GPSM2: variants seen among roughly 807,000 people sequenced by gnomAD.
GPSM2 encodes G protein signaling modulator 2, also known as G protein-signaling modulator 2.
In GPSM2, 58 loss-of-function variants were observed where a neutral mutation model predicts 78.4. That is an observed-to-expected ratio of 0.74 (90% CI 0.60 to 0.92). GPSM2 has a LOEUF of 0.92. GPSM2 is among the 40% of genes least tolerant of loss of function. GPSM2 has a pLI of 0.00. For missense variants in GPSM2, 700 were observed against 815.5 expected (o/e 0.86, Z 1.73); for synonymous variants, 224 against 280.2 (o/e 0.80, Z 2.00).
In GPSM2 at chr1:108,922,433, C is replaced by T. The variant is rs1166526725; in HGVS notation, c.1457C>T (p.Thr486Ile). 1 of 1,609,544 alleles carries T rather than the reference C, an allele frequency of 6.2e-7. No homozygotes were observed. Among genetic ancestry groups the T allele is most frequent in the South Asian group, 1.1e-5 (1 of 90,982 alleles). The change falls in exon 13 of 15, where the codon ACT becomes ATT. Residue 486 changes from threonine to isoleucine, a missense_variant. Physicochemically the swap from Thr to Ile is moderately conservative, Grantham distance 89. Transcript: ENST00000264126. ...ATATTTTAGAAAATCAGTGCAGATA[C>T]TATTGGAGATGAAGGGTTCTTTGAC... Reference protein sequence around the residue: ...PNSQRKISADTIGDEGFFDLL... With the variant: ...PNSQRKISADIIGDEGFFDLL...
At chr1:108,907,626 T>A (rs764313369) in intron 10 of GPSM2, among the ~76,000 whole-genome samples, 1 of 152,134 alleles carries the variant, frequency 6.6e-6, no homozygotes, top group African/African-American at 2.4e-5. Context: ...ATAACAAAAA[T>A]GTTAGGTAGA....
At chr1:108,912,891 A>C (rs1649866767) in intron 10 of GPSM2, among the ~76,000 whole-genome samples, 1 of 142,828 alleles carries the variant, frequency 7.0e-6, no homozygotes, top group Non-Finnish European at 1.5e-5. Flanking sequence ...CTTTAAAAAA[A>C]AAAAAGGGTG....
intron 10 of GPSM2, among the ~76,000 whole-genome samples, chr1:108,904,675 T>C (rs1649090933): frequency 1.3e-5 from 2 of 151,976 alleles, no homozygotes; most frequent in Non-Finnish European, 2.9e-5. Flanking sequence ...TAGTTCTTTT[T>C]CCCCCATTTC....
At chr1:108,909,902 C>CAAAAAAAAAAAAAAAAAAAAAAAAA (rs34151964) in intron 10 of GPSM2, 1 of 50,628 alleles carries the variant, frequency 2.0e-5, no homozygotes. Context: ...ACGCCATCTC[C>CAAAAAAAAAAAAAAAAAAAAAAAAA]AAAAAAAAAA....
chr1:108,899,385 T>C lies in GPSM2; in HGVS notation c.797+391T>C, dbSNP rs969738780. On this transcript the variant is annotated intron_variant, in intron 7 of 14. Transcript: ENST00000264126. Reference sequence around the variant, plus strand: ...ATGCTTTATTTCACTCAGTTATGGGTTAGAAGAGAGGCCAAAAGAAAGCCT... The same window carrying C: ...ATGCTTTATTTCACTCAGTTATGGGCTAGAAGAGAGGCCAAAAGAAAGCCT... 2.6e-5 allele frequency among the ~76,000 whole-genome samples: 4 copies of C among 152,186 alleles called. No homozygotes were observed. In the South Asian group the frequency reaches 8.3e-4, roughly 31 times the overall value.
At chr1:108,888,935 C>T (rs943762692) in intron 2 of GPSM2, among the ~76,000 whole-genome samples, 3 of 152,110 alleles carry the variant, frequency 2.0e-5, no homozygotes, top group African/African-American at 7.2e-5. Context: ...GAAATGCTGC[C>T]ATCCTACCCT....
chr1:108,922,582 T>TCATC lies in GPSM2; in HGVS notation c.1600+7_1600+10dup, dbSNP rs754654324. 5.0e-6 allele frequency: 8 copies of TCATC among 1,607,024 alleles called. No homozygotes were observed. Among genetic ancestry groups the TCATC allele is most frequent in the Non-Finnish European group, 6.8e-6 (8 of 1,173,814 alleles). On this transcript the variant is annotated splice_region_variant and intron_variant, in intron 13 of 14. Transcript: ENST00000264126. ...CCCTAAAATGATGCTAAAAAGTAAG[T>TCATC]CATCTCTGTTTCTCCCCCGATTTTA... is the stretch of plus-strand genomic sequence containing the variant.
intron 13 of GPSM2, 122 bp from the exon 14 acceptor site, chr1:108,923,878 C>G: frequency 1.4e-6 from 1 of 726,964 alleles, no homozygotes; most frequent in Non-Finnish European, 2.5e-6. Flanking sequence ...AGCAGGAGGG[C>G]AGGGCGGGTC....
chr1:108,929,935 C>T lies in GPSM2; in HGVS notation c.2050C>T (p.His684Tyr), dbSNP rs1557884806. 6.2e-7 allele frequency: 1 copy of T among 1,612,854 alleles called. No individual in the cohort carries two copies. Among genetic ancestry groups the T allele is most frequent in the Non-Finnish European group, 8.5e-7 (1 of 1,179,022 alleles). The change falls in exon 15 of 15, where the codon CAT becomes TAT. Residue 684 changes from histidine (H) to tyrosine (Y), a missense_variant. By Grantham distance (83) the His-to-Tyr change is moderately conservative. Transcript: ENST00000264126. ...AAATTCAGGGAAAAAATCGGCAGAC[C>T]ATTAGTTACTATGGATTTATTTTTT... ...FKNSGKKSAD[H>Y]
chr1:108,929,821 CAGAGAGTTCTTTTACAA>C lies in GPSM2; in HGVS notation c.1942_1958del (p.Val648SerfsTer6), dbSNP rs1325738423. On this transcript the variant is annotated frameshift_variant, in exon 15 of 15. Transcript: ENST00000264126. LOFTEE classifies it high-confidence loss of function. Reference sequence around the variant, plus strand: ...GTCCCAGGGAAAGAGAATGGATGAACAGAGAGTTCTTTTACAAAGAGATCAAAACAGAGACACTGACT... The same window carrying C: ...GTCCCAGGGAAAGAGAATGGATGAACAGAGATCAAAACAGAGACACTGACT... The C allele has an allele frequency of 6.2e-7, 1 of 1,614,026 alleles. No individual in the cohort carries two copies. The highest frequency in any genetic ancestry group is 8.5e-7 in the Non-Finnish European group (1 of 1,179,938).
At chr1:108,921,406 C>T (rs186442857) in intron 12 of GPSM2, among the ~76,000 whole-genome samples, 1 of 71,386 alleles carries the variant, frequency 1.4e-5, no homozygotes. Flanking sequence ...GATGACAGAG[C>T]GAGACTCCTC....
At chr1:108,909,175 GTGTGAAGAT>G (rs1649507508) in intron 10 of GPSM2, among the ~76,000 whole-genome samples, 1 of 151,880 alleles carries the variant, frequency 6.6e-6, no homozygotes, top group Non-Finnish European at 1.5e-5. Context: ...TAAAACTGTT[GTGTGAAGAT>G]TTTGTTGTAT....
intron 7 of GPSM2, 87 bp downstream of exon 7, chr1:108,899,081 C>T (rs1648601811): frequency 2.4e-6 from 2 of 834,698 alleles, no homozygotes; most frequent in South Asian, 1.4e-5. Context: ...CTGATTGTAG[C>T]AGAACTTTTG....
intron 8 of GPSM2, 130 bp downstream of exon 8, chr1:108,902,075 T>C: frequency 1.5e-6 from 1 of 674,526 alleles, no homozygotes; most frequent in Non-Finnish European, 2.7e-6. Flanking sequence ...CTTTCAGTGA[T>C]ATCCTCTGTA....
chr1:108,893,348 G>A (rs994980357), intron 2 of GPSM2, among the ~76,000 whole-genome samples: 2 of 152,182 alleles, frequency 1.3e-5, no homozygotes, highest in African/African-American at 4.8e-5. Context: ...AACTGATGGT[G>A]CTGTCATGTG....
At chr1:108,901,061 A>G (rs1648769252) in intron 7 of GPSM2, among the ~76,000 whole-genome samples, 1 of 152,214 alleles carries the variant, frequency 6.6e-6, no homozygotes, top group South Asian at 2.1e-4. Context: ...CACTTTATAC[A>G]TATTAATTTA....
At chr1:108,911,999 G>A (rs956865606) in intron 10 of GPSM2, among the ~76,000 whole-genome samples, 5 of 151,646 alleles carry the variant, frequency 3.3e-5, no homozygotes, top group Non-Finnish European at 7.4e-5. Flanking sequence ...GCAGATATGG[G>A]GTTTTGCCAT....
chr1:108,924,468 A>G (rs1179837822), intron 14 of GPSM2: 9 of 516,556 alleles, frequency 1.7e-5, no homozygotes, highest in Admixed American at 3.2e-5. Context: ...GAGAGAGAGT[A>G]TATGTGTGTT....
At chr1:108,916,782 T>C (rs902358641) in intron 11 of GPSM2, among the ~76,000 whole-genome samples, 2 of 152,240 alleles carry the variant, frequency 1.3e-5, no homozygotes, top group Admixed American at 1.3e-4. Flanking sequence ...TTGGTTTCTT[T>C]TCCTCATAAT....
Sources: gnomAD v4.1 joint callset for allele counts (sites outside exome capture counted in the v4.1 genomes callset) on GRCh38, gnomAD v4.1.1 for gene constraint, MANE v1.5 for transcripts, NCBI Gene and HGNC (gene_info 2026-07-23, HGNC 2026-07-21) for gene names.